NFATC2: variants seen among roughly 807,000 people sequenced by gnomAD.
NFATC2 encodes the protein nuclear factor of activated T-cells, cytoplasmic 2.
In NFATC2, 22 loss-of-function variants were observed where a neutral mutation model predicts 87.3. The observed-to-expected ratio is 0.25, with a 90% CI of 0.18 to 0.36. The LOEUF is 0.36. Ranked by LOEUF, NFATC2 falls within the 10% of genes least tolerant of loss-of-function variation. The pLI is 1.00. For missense variants in NFATC2, 1,149 were observed against 1,259.1 expected, an observed-to-expected ratio of 0.91 and a Z score of 1.32; for synonymous variants, 565 against 542.2, an observed-to-expected ratio of 1.04 and a Z score of -0.58.
intron 3 of NFATC2, 32 bp from the exon 4 acceptor site, chr20:51,475,692 G>A (rs760428992): frequency 1.4e-5 from 22 of 1,608,614 alleles, no homozygotes; most frequent in Non-Finnish European, 1.8e-5. Flanking sequence ...TCATTAAGGT[G>A]CGGGGTGTGG....
chr20:51,473,241 G>T (rs1388957146), intron 5 of NFATC2, among the ~76,000 whole-genome samples: 1 of 152,188 alleles, frequency 6.6e-6, no homozygotes, highest in South Asian at 2.1e-4. Flanking sequence ...GCTCATTAAG[G>T]CCAGAGAAAG....
intron 5 of NFATC2, among the ~76,000 whole-genome samples, chr20:51,459,964 C>T (rs1037428770): frequency 6.6e-6 from 1 of 152,114 alleles, no homozygotes; most frequent in African/African-American, 2.4e-5. Flanking sequence ...TGTGAATGTA[C>T]TTCATGTACT....
At chr20:51,435,128 C>A in intron 8 of NFATC2, 60 bp downstream of exon 8, 2 of 1,598,654 alleles carry the variant, frequency 1.3e-6, no homozygotes, top group South Asian at 2.3e-5. Flanking sequence ...TTCAGGAGTC[C>A]TGAGCCCTGT....
intron 1 of NFATC2, among the ~76,000 whole-genome samples, chr20:51,526,752 C>G (rs544204991): frequency 5.3e-5 from 8 of 151,994 alleles, no homozygotes; most frequent in Admixed American, 6.6e-5. Context: ...CATATGGTAC[C>G]CCTACTTCCA....
intron 9 of NFATC2, among the ~76,000 whole-genome samples, chr20:51,424,208 C>G (rs1981411080): frequency 6.6e-6 from 1 of 152,206 alleles, no homozygotes. Context: ...TAGGCAACCA[C>G]AGTTTTCTGG....
chr20:51,407,351 C>A (rs146582407), intron 9 of NFATC2, among the ~76,000 whole-genome samples: 1,529 of 152,310 alleles, frequency 0.01, 29 homozygotes, highest in African/African-American at 0.035. Flanking sequence ...AAACTGCAAG[C>A]TGTAGGAGGG....
At chr20:51,415,168 C>G (rs916264953) in intron 9 of NFATC2, among the ~76,000 whole-genome samples, 5 of 150,330 alleles carry the variant, frequency 3.3e-5, no homozygotes, top group African/African-American at 1.2e-4. Context: ...ATCACTTGGG[C>G]CTGGGAGTTT....
At chr20:51,530,531 C>T (rs994971641) in intron 1 of NFATC2, among the ~76,000 whole-genome samples, 6 of 152,288 alleles carry the variant, frequency 3.9e-5, no homozygotes, top group African/African-American at 1.4e-4. Flanking sequence ...GTTCTTAGCA[C>T]ATACAACGTC....
chr20:51,523,748 G>A lies in NFATC2; in HGVS notation c.493C>T (p.Leu165Phe), dbSNP rs1292538159. ...VPGFEGYREP[L>F]CLSPASSGSS... Reference sequence around the variant, plus strand: ...CCGCTGCTAGCGGGGCTCAAGCAAAGCGGCTCGCGGTAGCCCTCGAAGCCG... The same window carrying A: ...CCGCTGCTAGCGGGGCTCAAGCAAAACGGCTCGCGGTAGCCCTCGAAGCCG... The change falls in exon 2 of 11, where the codon CTT becomes TTT. Residue 165 changes from leucine to phenylalanine, a missense_variant. Physicochemically the swap from Leu to Phe is conservative, Grantham distance 22 (BLOSUM62 0). Around this residue, in one of 3 missense-constraint regions of NFATC2, gnomAD observed 563 missense variants for 585.2 expected, o/e 0.96. Coordinates refer to ENST00000371564, the MANE Select transcript of NFATC2 (RefSeq NM_012340.5). The surrounding 1 kb of genome is among the most constrained non-coding windows in gnomAD (Gnocchi z 6.9). 6.2e-7 allele frequency: 1 copy of A among 1,611,286 alleles called. No homozygotes were observed. The highest frequency in any genetic ancestry group is 1.7e-5 in the Admixed American group (1 of 59,394).
intron 9 of NFATC2, among the ~76,000 whole-genome samples, chr20:51,407,980 C>A (rs1249218972): frequency 6.6e-6 from 1 of 152,200 alleles, no homozygotes; most frequent in Non-Finnish European, 1.5e-5. Context: ...TGTTTAGAGA[C>A]AGGAGGGCCA....
At chr20:51,479,629 A>T (rs1989059033) in intron 3 of NFATC2, among the ~76,000 whole-genome samples, 1 of 152,144 alleles carries the variant, frequency 6.6e-6, no homozygotes, top group Non-Finnish European at 1.5e-5. Context: ...CAAACAAATA[A>T]ACCAACAAAA....
chr20:51,503,876 C>T (rs1300087670), intron 3 of NFATC2, among the ~76,000 whole-genome samples: 2 of 152,224 alleles, frequency 1.3e-5, no homozygotes, highest in African/African-American at 4.8e-5. Context: ...CAGAGTCTTG[C>T]TCTGTCACCC....
chr20:51,493,699 T>C (rs1263333644), intron 3 of NFATC2, among the ~76,000 whole-genome samples: 1 of 152,148 alleles, frequency 6.6e-6, no homozygotes, highest in East Asian at 1.9e-4. Flanking sequence ...CGGGGCATGC[T>C]GAGAGACAGG....
intron 9 of NFATC2, 98 bp from the exon 10 acceptor site, chr20:51,398,828 G>T (rs928343971): frequency 1.2e-6 from 1 of 833,150 alleles, no homozygotes; most frequent in Non-Finnish European, 2.0e-6. Flanking sequence ...TCCAAGCCCA[G>T]GAGGGAACTT....
intron 1 of NFATC2, among the ~76,000 whole-genome samples, chr20:51,559,446 T>TA (rs1475657248): frequency 6.6e-6 from 1 of 152,176 alleles, no homozygotes; most frequent in Non-Finnish European, 1.5e-5. Flanking sequence ...TCAAATGGTA[T>TA]AAAAAATTAT....
chr20:51,389,710 A>G lies in NFATC2; in HGVS notation c.*1786T>C, dbSNP rs1986119857. On this transcript the variant is annotated 3_prime_UTR_variant, in exon 11 of 11. Transcript: ENST00000371564. ...CAAGTGCACAGGCCCGAATCTGAGC[A>G]TTTTGCCTTCTATCTGGAGTGCCAA... 1.3e-5 allele frequency: 2 copies of G among 152,126 alleles called. No homozygotes were observed. The highest frequency in any genetic ancestry group is 4.1e-4 in the South Asian group (2 of 4,826). 9.4% of individuals were successfully genotyped at this position (152,126 alleles called of 1,614,324 possible).
At chr20:51,448,542 G>C (rs1363375063) in intron 6 of NFATC2, among the ~76,000 whole-genome samples, 1 of 152,226 alleles carries the variant, frequency 6.6e-6, no homozygotes, top group African/African-American at 2.4e-5. Flanking sequence ...TACTCAGGAG[G>C]CTGGGGCAGG....
At position 51,398,142 on chromosome 20, in the gene NFATC2, C is replaced by T. The variant is rs1050086605; in HGVS notation, c.*44+501G>A. On this transcript the variant is annotated intron_variant, in intron 10 of 10. Coordinates refer to ENST00000371564, the MANE Select transcript of NFATC2 (RefSeq NM_012340.5). ...GACTTCAAAAGCCACAACAAGGAAG[C>T]CCCCCGGGAGGAGCTGAAACCTTGA... 7.4e-5 allele frequency among the ~76,000 whole-genome samples: 7 copies of T among 94,024 alleles called. No individual in the cohort carries two copies. The South Asian group carries it at 2.3e-3, about 31-fold the overall frequency. 61.7% of individuals were successfully genotyped at this position (94,024 alleles called of 152,430 possible). A position where few individuals can be genotyped will look rare whatever the true frequency, so the allele number is the denominator to read the frequency against.
intron 3 of NFATC2, among the ~76,000 whole-genome samples, chr20:51,488,984 T>A (rs1381751134): frequency 1.3e-5 from 2 of 151,004 alleles, no homozygotes; most frequent in African/African-American, 4.9e-5. Context: ...AGGTCAGGAG[T>A]TCAAGACCAG....
Sources: allele counts gnomAD v4.1 joint callset (sites outside exome capture counted in the v4.1 genomes callset), GRCh38; gene constraint gnomAD v4.1.1; regional missense constraint gnomAD v4.1.1; non-coding constraint Gnocchi (gnomAD v3.1); transcripts MANE v1.5; gene names NCBI Gene and HGNC (gene_info 2026-07-23, HGNC 2026-07-21).